Variants in CD84 observed in about 807,000 individuals in gnomAD.
The protein encoded by CD84 is SLAM family member 5.
A neutral mutation model predicts 33.8 loss-of-function variants in CD84; 22 were observed. That is an observed-to-expected ratio of 0.65 (90% CI 0.46 to 0.93). The LOEUF is 0.93. Ranked by LOEUF, CD84 falls within the 40% of genes least tolerant of loss-of-function variation. The probability of loss-of-function intolerance (pLI) is 0.00; values close to 1 mark genes in which losing one functional copy is unlikely to be tolerated. For missense variants in CD84, 400 were observed against 397.6 expected (o/e 1.01, Z -0.05); for synonymous variants, 154 against 145.2 (o/e 1.06, Z -0.44).
At chr1:160,563,831 A>G (rs571970684) in intron 2 of CD84, among the ~76,000 whole-genome samples, 1 of 152,316 alleles carries the variant, frequency 6.6e-6, no homozygotes, top group East Asian at 1.9e-4. Flanking sequence ...TATGAATTTT[A>G]CACTTACAGC....
chr1:160,553,679 G>T, intron 3 of CD84, 182 bp from the exon 4 acceptor site: 1 of 948,632 alleles, frequency 1.1e-6, no homozygotes, highest in Non-Finnish European at 1.6e-6. Context: ...TCAGAGAGTT[G>T]ATCAGGGGCT....
chr1:160,574,962 C>T (rs535260625), intron 1 of CD84, among the ~76,000 whole-genome samples: 73 of 152,096 alleles, frequency 4.8e-4, no homozygotes, highest in African/African-American at 1.4e-3. Context: ...CAGACAACTA[C>T]GAAGGGAAAA....
intron 2 of CD84, among the ~76,000 whole-genome samples, chr1:160,558,579 C>G (rs950879586): frequency 3.3e-5 from 5 of 152,210 alleles, no homozygotes; most frequent in Non-Finnish European, 2.9e-5. Flanking sequence ...GATGCCTCTT[C>G]TTCTCCAAAT....
chr1:160,559,662 C>T (rs1656827132), intron 2 of CD84, among the ~76,000 whole-genome samples: 1 of 152,068 alleles, frequency 6.6e-6, no homozygotes, highest in African/African-American at 2.4e-5. Context: ...GCGCTAAATG[C>T]CCCCAATTTA....
chr1:160,579,046 T>C (rs1335466098), intron 1 of CD84, among the ~76,000 whole-genome samples: 1 of 152,142 alleles, frequency 6.6e-6, no homozygotes, highest in African/African-American at 2.4e-5. Context: ...AAATTGCTTG[T>C]AAGTCATTCA....
intron 4 of CD84, among the ~76,000 whole-genome samples, chr1:160,552,297 A>T (rs935878582): frequency 6.6e-6 from 1 of 152,142 alleles, no homozygotes; most frequent in African/African-American, 2.4e-5. Flanking sequence ...CAAGCAGGCT[A>T]TGCCTTCTCC....
At chr1:160,551,117 A>C (rs1366084523) in intron 4 of CD84, 82 bp from the exon 5 acceptor site, 98 of 1,023,630 alleles carry the variant, frequency 9.6e-5, no homozygotes, top group Non-Finnish European at 3.1e-6. Flanking sequence ...TCTCTTTTTA[A>C]GATGAAGAAA....
rs894840630 is a variant in CD84, at chr1:160,554,223, C to A, written c.389-77G>T. ...GTTTGTGGGAGCCAATTGTTAAATT[C>A]TCAGAAATTTGCAAGCCATCATTAA... On this transcript the variant is annotated intron_variant, in intron 2 of 6. Transcript: ENST00000368054. The A allele has an allele frequency of 4.2e-5, 56 of 1,334,748 alleles. No homozygotes were observed. In the Middle Eastern group the frequency reaches 1.1e-3, roughly 26 times the overall value. The allele number at this position is 1,334,748 out of a possible 1,614,324, so 82.7% of individuals were successfully genotyped here. A position where few individuals can be genotyped will look rare whatever the true frequency, so the allele number is the denominator to read the frequency against.
intron 2 of CD84, among the ~76,000 whole-genome samples, chr1:160,562,006 A>G (rs943868691): frequency 8.5e-5 from 13 of 152,228 alleles, no homozygotes; most frequent in Non-Finnish European, 1.8e-4. Context: ...TATGCCTAGG[A>G]ATACAGCTAA....
intron 1 of CD84, among the ~76,000 whole-genome samples, chr1:160,578,726 T>C (rs184344940): frequency 1.3e-5 from 2 of 152,172 alleles, no homozygotes; most frequent in Non-Finnish European, 2.9e-5. Flanking sequence ...TCAATATTCA[T>C]GTCGTTCTTT....
At chr1:160,574,043 C>T (rs1657851848) in intron 1 of CD84, among the ~76,000 whole-genome samples, 1 of 151,612 alleles carries the variant, frequency 6.6e-6, no homozygotes, top group Non-Finnish European at 1.5e-5. Context: ...CCATGAACCA[C>T]GATTGTGCTA....
intron 2 of CD84, among the ~76,000 whole-genome samples, chr1:160,565,127 C>T (rs1433500022): frequency 6.6e-6 from 1 of 151,942 alleles, no homozygotes; most frequent in Non-Finnish European, 1.5e-5. Context: ...CATGATAACC[C>T]TGGGAAGTGA....
At chr1:160,563,553 A>T (rs1240887534) in intron 2 of CD84, among the ~76,000 whole-genome samples, 1 of 152,160 alleles carries the variant, frequency 6.6e-6, no homozygotes, top group African/African-American at 2.4e-5. Context: ...TGATGAGAAC[A>T]CATGGAGGGG....
intron 1 of CD84, among the ~76,000 whole-genome samples, chr1:160,566,777 A>G (rs1657355569): frequency 6.6e-6 from 1 of 152,224 alleles, no homozygotes; most frequent in Admixed American, 6.5e-5. Flanking sequence ...TCGAGGGAAC[A>G]TTTCCTAGTG....
chr1:160,552,841 G>T, intron 4 of CD84: 1 of 817,530 alleles, frequency 1.2e-6, no homozygotes. Context: ...GACATGGGAT[G>T]TGGGTGAATC....
rs1040313557 is a variant in CD84 at position 160,545,405 on chromosome 1, C to T, written c.*2851G>A. 1.5e-4 allele frequency: 23 copies of T among 152,296 alleles called. 1 individual carries two copies. The highest frequency in any genetic ancestry group is 4.8e-4 in the African/African-American group (20 of 41,562). 9.4% of individuals were successfully genotyped at this position (152,296 alleles called of 1,614,324 possible). On this transcript the variant is annotated 3_prime_UTR_variant, in exon 7 of 7. Coordinates refer to ENST00000368054, the MANE Select transcript of CD84 (RefSeq NM_003874.4). ...AGGAGTGGTTTTATTTTAGGATAAACGCAGCCTGTTCAGTGTCACTTTGGA... is the reference window on the plus strand; with the variant it reads ...AGGAGTGGTTTTATTTTAGGATAAATGCAGCCTGTTCAGTGTCACTTTGGA...
In CD84 at chr1:160,553,416, G is replaced by A. The variant is rs1262964566; in HGVS notation, c.722C>T (p.Ser241Phe). The A allele has an allele frequency of 1.2e-6, 2 of 1,614,068 alleles. No individual in the cohort carries two copies. Among genetic ancestry groups the A allele is most frequent in the Non-Finnish European group, 8.5e-7 (1 of 1,180,004 alleles). ...GAACAAACGGAACAAAAACACTGAA[G>A]ACAGAATGAGAACAAGCAGAAAGAA... ...AMFFLLVLIL[S>F]SVFLFRLFKR... Residue 241 changes from serine to phenylalanine, a missense_variant, in exon 4 of 7, where the codon TCT (serine) becomes TTT (phenylalanine). Physicochemically the swap from Ser to Phe is radical, Grantham distance 155. Coordinates refer to ENST00000368054, the MANE Select transcript of CD84 (RefSeq NM_003874.4).
intron 1 of CD84, among the ~76,000 whole-genome samples, chr1:160,574,239 C>T (rs1657866698): frequency 6.6e-6 from 1 of 151,604 alleles, no homozygotes; most frequent in Non-Finnish European, 1.5e-5. Context: ...CTTTACTGAT[C>T]TCTGGGTCTT....
rs750803478 is a variant in CD84 at position 160,553,909 on chromosome 1, C to T, written c.626G>A (p.Arg209Gln). 1.1e-5 allele frequency: 17 copies of T among 1,613,976 alleles called. No homozygotes were observed. Among genetic ancestry groups the T allele is most frequent in the Admixed American group, 1.7e-5 (1 of 60,002 alleles). The change falls in exon 3 of 7, where the codon CGG (arginine) becomes CAG (glutamine). Residue 209 changes from arginine (R) to glutamine (Q), a missense_variant. By Grantham distance (43) the Arg-to-Gln change is conservative. Transcript: ENST00000368054. ...GAGCTGGTTACCTGCACAGAGCTGCCGGGCAGAGATGGAGTCAGAATTGTT... is the reference window on the plus strand; with the variant it reads ...GAGCTGGTTACCTGCACAGAGCTGCTGGGCAGAGATGGAGTCAGAATTGTT... ...VSNNSDSISA[R>Q]QLCADIAMGF...
Sources: gnomAD v4.1 joint callset for allele counts (sites outside exome capture counted in the v4.1 genomes callset) on GRCh38, gnomAD v4.1.1 for gene constraint, MANE v1.5 for transcripts, NCBI Gene and HGNC (gene_info 2026-07-23, HGNC 2026-07-21) for gene names.